The following ZSCAN25 variants were observed in gnomAD, a reference collection of about 807,000 sequenced individuals.
ZSCAN25 encodes zinc finger and SCAN domain containing 25, also known as zinc finger and SCAN domain-containing protein 25.
In ZSCAN25, 27 loss-of-function variants were observed where a neutral mutation model predicts 38.7. The ratio of observed to expected loss-of-function variants is 0.70; its 90% confidence interval spans 0.51 to 0.96. ZSCAN25 has a LOEUF of 0.96. Among genes scored for constraint, ZSCAN25 ranks in the 40% least tolerant of loss-of-function variants. The probability of loss-of-function intolerance (pLI) is 0.00; values close to 1 mark genes in which losing one functional copy is unlikely to be tolerated. For missense variants in ZSCAN25, 637 were observed against 705.9 expected, an observed-to-expected ratio of 0.90 and a Z score of 1.11; for synonymous variants, 273 against 277.7, an observed-to-expected ratio of 0.98 and a Z score of 0.17.
chr7:99,737,980 A>C, the ZSCAN25 span, among the ~76,000 whole-genome samples: 151,473 of 152,308 alleles, frequency 0.99, 75,325 homozygotes, highest in East Asian at 1. Flanking sequence ...CACCCAAGCA[A>C]CACTTGCCTC....
At chr7:99,722,865 T>C in the ZSCAN25 span, among the ~76,000 whole-genome samples, 7 of 152,296 alleles carry the variant, frequency 4.6e-5, no homozygotes, top group African/African-American at 1.7e-4. Flanking sequence ...TTTAGATAAG[T>C]GTGAGGCATG....
intron 4 of ZSCAN25, 168 bp downstream of exon 4, chr7:99,620,161 A>G (rs2151255382): frequency 1.0e-6 from 1 of 1,002,680 alleles, no homozygotes; most frequent in African/African-American, 1.6e-5. Flanking sequence ...TTCAGCAAGA[A>G]AGGCCATTCC....
At chr7:99,722,215 G>T in the ZSCAN25 span, 1 of 1,572,698 alleles carries the variant, frequency 6.4e-7, no homozygotes, top group Non-Finnish European at 8.7e-7. Flanking sequence ...AAGAGGCTCT[G>T]GGCTGAGACT....
chr7:99,717,690 C>A, the ZSCAN25 span: 42 of 1,600,436 alleles, frequency 2.6e-5, no homozygotes, highest in Middle Eastern at 3.3e-4. Context: ...TGGAGGTCTC[C>A]ATGGTTGTAG....
the ZSCAN25 span, among the ~76,000 whole-genome samples, chr7:99,683,123 C>T: frequency 6.6e-6 from 1 of 152,156 alleles, no homozygotes; most frequent in Admixed American, 6.5e-5. Context: ...ATTTGAACAT[C>T]TTCTTGCTTC....
chr7:99,696,983 A>G, the ZSCAN25 span, among the ~76,000 whole-genome samples: 3 of 152,176 alleles, frequency 2.0e-5, no homozygotes, highest in East Asian at 5.8e-4. Flanking sequence ...CCATGATTGA[A>G]CATTTCCTGA....
the ZSCAN25 span, chr7:99,650,096 A>G: frequency 6.2e-7 from 1 of 1,614,134 alleles, no homozygotes; most frequent in Non-Finnish European, 8.5e-7. Context: ...CAAGGTTTGA[A>G]GGAGAAGTTC....
chr7:99,659,047 G>A, the ZSCAN25 span: 1 of 152,216 alleles, frequency 6.6e-6, no homozygotes, highest in Non-Finnish European at 1.5e-5. Context: ...TTAGCTCGGA[G>A]TAGTTTGATC....
chr7:99,679,898 G>T, the ZSCAN25 span: 1 of 1,613,628 alleles, frequency 6.2e-7, no homozygotes, highest in Non-Finnish European at 8.5e-7. Flanking sequence ...GAGGTCCATC[G>T]CCACTTTCCT....
At chr7:99,710,501 T>C in the ZSCAN25 span, among the ~76,000 whole-genome samples, 1 of 152,194 alleles carries the variant, frequency 6.6e-6, no homozygotes, top group African/African-American at 2.4e-5. Context: ...ATTATTGTGG[T>C]AACAGAAAGC....
chr7:99,629,727 G>T lies in ZSCAN25; in HGVS notation c.1342G>T (p.Val448Leu). The part of the protein sequence containing the change: ...KSFSRRQHLQ[V>L]HRRTHTGEKP... ...CTTCAGCCGCAGGCAGCACCTGCAG[G>T]TGCACCGGAGGACGCACACCGGGGA... is the stretch of plus-strand genomic sequence containing the variant. Residue 448 changes from valine to leucine, a missense_variant, in exon 8 of 8, where the codon GTG becomes TTG. Transcript: ENST00000394152. This position sits in a 1 kb window ranked among gnomAD's most constrained non-coding sequence, Gnocchi z 5.6. 1 of 1,614,098 alleles carries T rather than the reference G, an allele frequency of 6.2e-7. No individual in the cohort carries two copies. The highest frequency in any genetic ancestry group is 1.7e-4 in the Middle Eastern group (1 of 6,060).
At chr7:99,660,855 T>G in the ZSCAN25 span, among the ~76,000 whole-genome samples, 12 of 152,088 alleles carry the variant, frequency 7.9e-5, no homozygotes, top group African/African-American at 2.9e-4. Context: ...TTAATCCAGG[T>G]TTTCCCAAGG....
At chr7:99,700,242 A>G in the ZSCAN25 span, among the ~76,000 whole-genome samples, 4 of 152,194 alleles carry the variant, frequency 2.6e-5, no homozygotes, top group Non-Finnish European at 5.9e-5. Context: ...ACCTCCTTTG[A>G]GTTCATATTC....
chr7:99,712,520 T>A, the ZSCAN25 span, among the ~76,000 whole-genome samples: 2 of 152,340 alleles, frequency 1.3e-5, no homozygotes, highest in East Asian at 1.9e-4. Flanking sequence ...GCTATATGTG[T>A]CTAGTGATTT....
the ZSCAN25 span, among the ~76,000 whole-genome samples, chr7:99,721,999 G>T: frequency 1.4e-4 from 22 of 152,296 alleles, no homozygotes; most frequent in African/African-American, 5.3e-4. Flanking sequence ...ACTGATCTTT[G>T]TAGTGAAGGA....
the ZSCAN25 span, chr7:99,665,180 A>G: frequency 1.9e-6 from 3 of 1,611,700 alleles, no homozygotes; most frequent in Non-Finnish European, 2.5e-6. Context: ...TGAGAGAAAT[A>G]ATGGATCTAA....
the ZSCAN25 span, chr7:99,638,631 C>T: frequency 6.3e-7 from 1 of 1,585,046 alleles, no homozygotes; most frequent in South Asian, 1.1e-5. Flanking sequence ...CGTTGAAACC[C>T]ACAGTGGGAA....
the ZSCAN25 span, among the ~76,000 whole-genome samples, chr7:99,646,832 ACACACATGCATGCT>A: frequency 6.6e-6 from 1 of 151,506 alleles, no homozygotes; most frequent in Non-Finnish European, 1.5e-5. Flanking sequence ...ACACACACAC[ACACACATGCATGCT>A]CACACATACA....
chr7:99,621,474 G>T lies in ZSCAN25; in HGVS notation c.489G>T (p.Trp163Cys), dbSNP rs1255230400. Residue 163 changes from tryptophan (W) to cysteine (C), a missense_variant, in exon 5 of 8, where the codon TGG becomes TGT. By Grantham distance (215) the Trp-to-Cys change is radical. Transcript: ENST00000394152. ...QLGPVEVKPE[W>C]GMPPGEGVQG... ...GGCCAGTGGAGGTCAAGCCTGAATGGGGGATGCCCCCTGGGGAAGGAGTTC... is the reference window on the plus strand; with the variant it reads ...GGCCAGTGGAGGTCAAGCCTGAATGTGGGATGCCCCCTGGGGAAGGAGTTC... The T allele has an allele frequency of 6.3e-7, 1 of 1,576,922 alleles. No individual in the cohort carries two copies. Among genetic ancestry groups the T allele is most frequent in the East Asian group, 2.3e-5 (1 of 42,994 alleles).
Sources: gnomAD v4.1 joint callset for allele counts (sites outside exome capture counted in the v4.1 genomes callset) on GRCh38, gnomAD v4.1.1 for gene constraint, Gnocchi (gnomAD v3.1) non-coding constraint, MANE v1.5 for transcripts, NCBI Gene and HGNC (gene_info 2026-07-23, HGNC 2026-07-21) for gene names.